Variants in RNF19A observed in about 807,000 individuals in gnomAD.
RNF19A encodes E3 ubiquitin-protein ligase RNF19A.
Under a neutral mutation model 75.7 loss-of-function variants are expected in RNF19A, and 32 were observed. The ratio of observed to expected loss-of-function variants is 0.42; its 90% CI spans 0.32 to 0.57. The LOEUF is 0.57. RNF19A is among the 20% of genes least tolerant of loss of function. The pLI is 0.10. For synonymous variants in RNF19A, 335 were observed against 345.2 expected (o/e 0.97, Z 0.33); for missense variants, 782 against 1,036.3 (o/e 0.75, Z 3.37).
rs1212808610 is a variant in RNF19A, at chr8:100,322,200, G to A, written c.-242-8828C>T. On this transcript the variant is annotated intron_variant, in intron 1 of 3. Coordinates refer to the RNF19A transcript ENST00000519527. The surrounding 1 kb of genome is among the most constrained non-coding windows in gnomAD (Gnocchi z 5.1). ...TCCAAATGGCATCTTCTTCCTATAT[G>A]AGTCTGTTTAGTCTATATTGAAAAT... is the stretch of plus-strand genomic sequence containing the variant. Among the ~76,000 whole-genome samples, 3 of 152,272 alleles carry A rather than the reference G, an allele frequency of 2.0e-5. No homozygotes were observed. The East Asian group carries it at 5.8e-4, about 29-fold the overall frequency.
intron 5 of RNF19A, among the ~76,000 whole-genome samples, chr8:100,265,664 A>C (rs1402587745): frequency 6.6e-6 from 1 of 152,226 alleles, no homozygotes; most frequent in Non-Finnish European, 1.5e-5. Context: ...GACTTATAAA[A>C]TAATCTATTA....
At chr8:100,292,815 A>G (rs1191567811) in intron 1 of RNF19A, among the ~76,000 whole-genome samples, 1 of 152,122 alleles carries the variant, frequency 6.6e-6, no homozygotes, top group African/African-American at 2.4e-5. Flanking sequence ...ATTTATTTAT[A>G]AATTATTCCA....
chr8:100,313,323 A>C, upstream of RNF19A: 4 of 984,744 alleles, frequency 4.1e-6, no homozygotes, highest in Non-Finnish European at 4.8e-6. Context: ...GCTGTAACTT[A>C]GTTTGGTCTC....
rs1364676543 is a variant in RNF19A, at chr8:100,269,477, G to GT, written c.1028+391dup. On this transcript the variant is annotated intron_variant, in intron 4 of 9. Transcript: ENST00000341084. The surrounding 1 kb of genome is among the most constrained non-coding windows in gnomAD (Gnocchi z 5.7). ...CCATTATCCTCAAACCCTTAAGTCA[G>GT]TTTTTTAATAGTAAACTAATGCAAA... 6.6e-6 allele frequency among the ~76,000 whole-genome samples: 1 copy of GT among 150,970 alleles called. No individual in the cohort carries two copies. Among genetic ancestry groups the GT allele is most frequent in the East Asian group, 1.9e-4 (1 of 5,146 alleles).
intron 1 of RNF19A, among the ~76,000 whole-genome samples, chr8:100,290,971 A>G (rs1176353595): frequency 1.3e-5 from 2 of 152,188 alleles, no homozygotes; most frequent in African/African-American, 4.8e-5. Flanking sequence ...AACTGCCTCT[A>G]AGGCAGTCCT....
At chr8:100,298,602 C>CCCA (rs1208375614) in intron 1 of RNF19A, among the ~76,000 whole-genome samples, 1 of 152,094 alleles carries the variant, frequency 6.6e-6, no homozygotes, top group Non-Finnish European at 1.5e-5. Flanking sequence ...ATAAGCTATT[C>CCCA]CCATAAGCCA....
In RNF19A at chr8:100,258,573, T is replaced by C. The variant is rs1819557297; in HGVS notation, c.2500A>G (p.Ile834Val). 1 of 1,610,554 alleles carries C rather than the reference T, an allele frequency of 6.2e-7. No homozygotes were observed. The highest frequency in any genetic ancestry group is 8.5e-7 in the Non-Finnish European group (1 of 1,178,080). The change falls in exon 10 of 10, where the codon ATT becomes GTT. Residue 834 changes from isoleucine to valine, a missense_variant. Transcript: ENST00000341084. The surrounding 1 kb of genome is among the most constrained non-coding windows in gnomAD (Gnocchi z 4.3). ...SHQTMELKVAIQTEI is the reference protein window; with the variant it reads ...SHQTMELKVAVQTEI Reference sequence around the variant, plus strand: ...TTATGGGCCTAAATTTCAGTCTGAATTGCAACTTTTAATTCCATTGTCTGA... The same window carrying C: ...TTATGGGCCTAAATTTCAGTCTGAACTGCAACTTTTAATTCCATTGTCTGA...
rs1822593370 is a variant in RNF19A, at chr8:100,330,274, AT to A, written c.-243+5833del. ...CTGTCGTTTGATCTTGTTTTTGACCATAGTGGACTGTTATTATTTTTATTAT... is the reference window on the plus strand; with the variant it reads ...CTGTCGTTTGATCTTGTTTTTGACCAAGTGGACTGTTATTATTTTTATTAT... On this transcript the variant is annotated intron_variant, in intron 1 of 3. Coordinates refer to the RNF19A transcript ENST00000519527. The surrounding 1 kb of genome is among the most constrained non-coding windows in gnomAD (Gnocchi z 4.1). 6.6e-6 allele frequency among the ~76,000 whole-genome samples: 1 copy of A among 152,222 alleles called. No individual in the cohort carries two copies. Among genetic ancestry groups the A allele is most frequent in the Admixed American group, 6.5e-5 (1 of 15,278 alleles).
Position 100,269,673 on chromosome 8 carries a change from G to T in RNF19A, c.1028+196C>A, listed in dbSNP as rs886424120. Among the ~76,000 whole-genome samples the T allele has an allele frequency of 6.6e-6, 1 of 151,990 alleles. No individual in the cohort carries two copies. The highest frequency in any genetic ancestry group is 1.5e-5 in the Non-Finnish European group (1 of 67,976). ...TCTAGTTTAACAAAAACAAAAAAAGGAAATATCCATTTCCTATTTTGACTA... is the reference window on the plus strand; with the variant it reads ...TCTAGTTTAACAAAAACAAAAAAAGTAAATATCCATTTCCTATTTTGACTA... On this transcript the variant is annotated intron_variant, in intron 4 of 9. Coordinates refer to ENST00000341084, the MANE Select transcript of RNF19A (RefSeq NM_183419.4). This position sits in a 1 kb window ranked among gnomAD's most constrained non-coding sequence, Gnocchi z 5.7.
At chr8:100,288,305 T>C (rs1821128687) in intron 1 of RNF19A, 38 bp from the exon 2 acceptor site, 2 of 1,185,932 alleles carry the variant, frequency 1.7e-6, no homozygotes, top group East Asian at 2.8e-5. Context: ...GATCATTTAA[T>C]TGTATTCTTA....
chr8:100,268,847 A>C lies in RNF19A; in HGVS notation c.1129T>G (p.Leu377Val). Residue 377 changes from leucine to valine, a missense_variant, in exon 5 of 10, where the codon TTA becomes GTA. By Grantham distance (32) the Leu-to-Val change is conservative (BLOSUM62 1). Coordinates refer to ENST00000341084, the MANE Select transcript of RNF19A (RefSeq NM_183419.4). ...TLVGAPVGIA[L>V]IAGIAIPAMI... ...GCAGGAATAGCAATGCCAGCTATTAAAGCGATTCCGACAGGAGCACCAACC... is the reference window on the plus strand; with the variant it reads ...GCAGGAATAGCAATGCCAGCTATTACAGCGATTCCGACAGGAGCACCAACC... The C allele has an allele frequency of 1.2e-6, 2 of 1,602,952 alleles. No individual in the cohort carries two copies. The highest frequency in any genetic ancestry group is 2.3e-5 in the East Asian group (1 of 44,248).
intron 1 of RNF19A, among the ~76,000 whole-genome samples, chr8:100,327,739 C>T (rs1049537138): frequency 2.0e-5 from 3 of 152,116 alleles, no homozygotes; most frequent in African/African-American, 7.2e-5. Context: ...TCCGGTTCCT[C>T]TTTTGAAAAT....
chr8:100,305,254 G>A (rs571255920), intron 1 of RNF19A, among the ~76,000 whole-genome samples: 2 of 152,296 alleles, frequency 1.3e-5, no homozygotes, highest in Admixed American at 6.5e-5. Context: ...GTCATTTTGT[G>A]CGGAGATGTA....
At chr8:100,309,435 C>T (rs1330094627) in intron 1 of RNF19A, 3 of 985,414 alleles carry the variant, frequency 3.0e-6, no homozygotes, top group African/African-American at 3.5e-5. Flanking sequence ...ATGCGTTCCG[C>T]CCCCGCCGCC....
intron 1 of RNF19A, among the ~76,000 whole-genome samples, chr8:100,316,906 G>T (rs2849506): frequency 6.6e-6 from 1 of 152,052 alleles, no homozygotes; most frequent in African/African-American, 2.4e-5. Context: ...CTGCAGGTCC[G>T]GAGCCCTGCC....
chr8:100,266,771 C>A (rs1416223231), intron 5 of RNF19A, among the ~76,000 whole-genome samples: 7 of 152,134 alleles, frequency 4.6e-5, no homozygotes, highest in Admixed American at 4.6e-4. Context: ...CCTCACCCTC[C>A]CCAAGTGTTA....
chr8:100,279,803 A>C (rs6989997), intron 2 of RNF19A, among the ~76,000 whole-genome samples: 49,265 of 151,862 alleles, frequency 0.32, 8,665 homozygotes, highest in East Asian at 0.41. Flanking sequence ...CTGGAATTAC[A>C]AGTGTGAGCC....
chr8:100,271,331 A>G (rs75406786), intron 3 of RNF19A, among the ~76,000 whole-genome samples: 52 of 152,310 alleles, frequency 3.4e-4, no homozygotes, highest in Non-Finnish European at 5.3e-4. Context: ...TCAAAAGAAC[A>G]TGAAGTCTGC....
intron 5 of RNF19A, chr8:100,268,465 G>A: frequency 5.3e-6 from 1 of 189,842 alleles, no homozygotes; most frequent in Non-Finnish European, 1.1e-5. Flanking sequence ...TCATAGACCT[G>A]ACCTTACAAG....
Sources: gnomAD v4.1 joint callset for allele counts (sites outside exome capture counted in the v4.1 genomes callset) on GRCh38, gnomAD v4.1.1 for gene constraint, Gnocchi (gnomAD v3.1) non-coding constraint, MANE v1.5 for transcripts, NCBI Gene and HGNC (gene_info 2026-07-23, HGNC 2026-07-21) for gene names.